Variants in DIAPH3 observed in about 807,000 individuals in gnomAD.
DIAPH3 encodes the protein protein diaphanous homolog 3.
A neutral mutation model predicts 144.3 loss-of-function variants in DIAPH3; 117 were observed. That is an observed-to-expected ratio of 0.81 (90% confidence interval 0.70 to 0.95). The LOEUF (loss-of-function observed/expected upper bound fraction) is 0.95. DIAPH3 is among the 40% of genes least tolerant of loss of function. DIAPH3 has a pLI of 0.00. For missense variants in DIAPH3, 1,421 were observed against 1,412.7 expected, an observed-to-expected ratio of 1.01 and a Z score of -0.09; for synonymous variants, 519 against 488.9, an observed-to-expected ratio of 1.06 and a Z score of -0.81.
At chr13:60,155,573 T>A (rs1951991254) in intron 1 of DIAPH3, among the ~76,000 whole-genome samples, 1 of 152,228 alleles carries the variant, frequency 6.6e-6, no homozygotes, top group African/African-American at 2.4e-5. Flanking sequence ...TTTTACCTCC[T>A]TCTGAAGCTT....
intron 27 of DIAPH3, among the ~76,000 whole-genome samples, chr13:59,670,739 C>A (rs533618551): frequency 6.6e-6 from 1 of 152,058 alleles, no homozygotes; most frequent in Non-Finnish European, 1.5e-5. Context: ...CCCGCCACCA[C>A]GCCCGGCTAA....
intron 22 of DIAPH3, among the ~76,000 whole-genome samples, chr13:59,843,889 G>C (rs1157484441): frequency 2.0e-5 from 3 of 152,104 alleles, no homozygotes; most frequent in Admixed American, 2.0e-4. Context: ...TTATAAGTCG[G>C]ATCTGAATAA....
chr13:59,666,357 CAAA>C lies in DIAPH3; in HGVS notation c.*224_*226del, dbSNP rs11421911. On this transcript the variant is annotated 3_prime_UTR_variant, in exon 28 of 28. Transcript: ENST00000400324. ...TAAAGAACTGAGGAATACCAGGAGACAAAAAAAAAAAAAAAAGGATTAAAGCCC... is the reference window on the plus strand; with the variant it reads ...TAAAGAACTGAGGAATACCAGGAGACAAAAAAAAAAAAAGGATTAAAGCCC... The C allele has an allele frequency of 0.016, 4,763 of 297,640 alleles. No individual in the cohort carries two copies. The highest frequency in any genetic ancestry group is 0.023 in the South Asian group (479 of 20,546). 18.4% of individuals were successfully genotyped at this position (297,640 alleles called of 1,614,324 possible).
intron 7 of DIAPH3, among the ~76,000 whole-genome samples, chr13:60,013,591 ACT>A (rs1365166084): frequency 3.9e-5 from 6 of 152,136 alleles, no homozygotes; most frequent in South Asian, 2.1e-4. Context: ...TTTAAAAAAT[ACT>A]CTTAGTCCAA....
intron 5 of DIAPH3, among the ~76,000 whole-genome samples, chr13:60,033,871 G>A (rs79721861): frequency 0.037 from 5,579 of 152,088 alleles, 134 homozygotes; most frequent in East Asian, 0.075. Context: ...TCTAATTGAC[G>A]GAGTTTTACT....
chr13:59,854,477 T>C (rs528551945), intron 22 of DIAPH3, among the ~76,000 whole-genome samples: 21 of 152,260 alleles, frequency 1.4e-4, no homozygotes, highest in Middle Eastern at 3.4e-3. Context: ...CTTCCCCCAA[T>C]TGGTTACATG....
chr13:59,966,021 G>T (rs2050030962), intron 17 of DIAPH3, among the ~76,000 whole-genome samples: 1 of 152,108 alleles, frequency 6.6e-6, no homozygotes, highest in Non-Finnish European at 1.5e-5. Context: ...AGAAAGCTAA[G>T]ATGTCTCCCA....
intron 17 of DIAPH3, among the ~76,000 whole-genome samples, chr13:59,938,683 C>T (rs1006049028): frequency 6.6e-6 from 1 of 151,968 alleles, no homozygotes; most frequent in African/African-American, 2.4e-5. Flanking sequence ...TAACTGCAAC[C>T]CAAATGTTCC....
intron 2 of DIAPH3, among the ~76,000 whole-genome samples, chr13:60,121,267 A>C (rs1029847282): frequency 6.6e-6 from 1 of 152,160 alleles, no homozygotes; most frequent in Non-Finnish European, 1.5e-5. Context: ...ACTGAAAGAA[A>C]TACTAAATTT....
intron 20 of DIAPH3, among the ~76,000 whole-genome samples, chr13:59,889,826 G>T (rs547806917): frequency 6.6e-6 from 1 of 151,418 alleles, no homozygotes; most frequent in African/African-American, 2.4e-5. Flanking sequence ...TAGCTCTCTG[G>T]AAAGTAAGAT....
At chr13:59,669,384 T>G (rs1208474944) in intron 27 of DIAPH3, among the ~76,000 whole-genome samples, 1 of 152,164 alleles carries the variant, frequency 6.6e-6, no homozygotes, top group Non-Finnish European at 1.5e-5. Context: ...TCTTTGAAAC[T>G]TCCAATATGT....
intron 1 of DIAPH3, among the ~76,000 whole-genome samples, chr13:60,150,214 G>A (rs865946445): frequency 1.5e-4 from 23 of 152,090 alleles, no homozygotes; most frequent in Non-Finnish European, 2.6e-4. Flanking sequence ...TTGTACAGAC[G>A]GGGTTTCACC....
intron 27 of DIAPH3, among the ~76,000 whole-genome samples, chr13:59,756,901 A>G (rs1422759401): frequency 6.6e-6 from 1 of 152,220 alleles, no homozygotes; most frequent in Non-Finnish European, 1.5e-5. Flanking sequence ...CACAAACAGT[A>G]ATAATAATTT....
chr13:60,140,448 G>A (rs1478982371), intron 1 of DIAPH3, among the ~76,000 whole-genome samples: 2 of 152,026 alleles, frequency 1.3e-5, no homozygotes, highest in East Asian at 3.9e-4. Context: ...ACATAGGAAA[G>A]ATTAAATAAA....
chr13:59,795,505 A>G (rs2139431586), intron 25 of DIAPH3, among the ~76,000 whole-genome samples: 1 of 143,170 alleles, frequency 7.0e-6, no homozygotes, highest in Non-Finnish European at 1.5e-5. Context: ...CCCAGGCTGG[A>G]GTGCAGTGGC....
chr13:59,740,075 T>G (rs1212125934), intron 27 of DIAPH3, among the ~76,000 whole-genome samples: 2 of 152,140 alleles, frequency 1.3e-5, no homozygotes, highest in East Asian at 1.9e-4. Flanking sequence ...TCTACTTACA[T>G]GCCAATAATG....
At chr13:59,950,364 G>C (rs929387497) in intron 17 of DIAPH3, among the ~76,000 whole-genome samples, 12 of 152,028 alleles carry the variant, frequency 7.9e-5, no homozygotes, top group African/African-American at 2.9e-4. Context: ...CAGTGCCTTT[G>C]TTCACACTCT....
rs181330161 is a variant in DIAPH3, at chr13:59,885,642, C to A, written c.2368-6174G>T. Among the ~76,000 whole-genome samples the A allele has an allele frequency of 3.8e-3, 578 of 152,040 alleles. 2 individuals carry two copies. Among genetic ancestry groups the A allele is most frequent in the African/African-American group, 0.012 (513 of 41,470 alleles). The stretch of plus-strand genomic sequence containing the variant: ...GTGAGTTGAATTGAACAGAGACCCA[C>A]AAAAGGTATGTCTAAATCCTAACCT... On this transcript the variant is annotated intron_variant, in intron 20 of 27. Coordinates refer to ENST00000400324, the MANE Select transcript of DIAPH3 (RefSeq NM_001042517.2).
chr13:60,131,321 C>T (rs944271016), intron 2 of DIAPH3, among the ~76,000 whole-genome samples: 6 of 150,478 alleles, frequency 4.0e-5, no homozygotes, highest in African/African-American at 7.3e-5. Flanking sequence ...CTGTAATCCC[C>T]GCTACTCAGG....
Sources: allele counts gnomAD v4.1 joint callset (sites outside exome capture counted in the v4.1 genomes callset), GRCh38; gene constraint gnomAD v4.1.1; transcripts MANE v1.5; gene names NCBI Gene and HGNC (gene_info 2026-07-23, HGNC 2026-07-21).